The following STAT1 variants were observed in gnomAD, a reference collection of about 807,000 sequenced individuals.
STAT1 encodes the protein signal transducer and activator of transcription 1-alpha/beta.
STAT1 carries 24 observed loss-of-function variants against 111.7 expected under a neutral mutation model. The ratio of observed to expected loss-of-function variants is 0.21; its 90% confidence interval spans 0.16 to 0.30. STAT1 has a LOEUF of 0.30. STAT1 is among the 10% of genes least tolerant of loss of function. The pLI, the probability that STAT1 is intolerant of heterozygous loss-of-function variation, is 1.00. For missense variants in STAT1, 351 were observed against 911.9 expected, an observed-to-expected ratio of 0.38 and a Z score of 7.92; for synonymous variants, 332 against 326.5, an observed-to-expected ratio of 1.02 and a Z score of -0.18.
Position 191,013,577 on chromosome 2 carries a change from A to G in STAT1, c.-54T>C. 2.5e-6 allele frequency: 1 copy of G among 398,620 alleles called. No individual in the cohort carries two copies. The highest frequency in any genetic ancestry group is 4.4e-6 in the Non-Finnish European group (1 of 226,058). 24.7% of individuals were successfully genotyped at this position (398,620 alleles called of 1,614,324 possible). Reference sequence around the variant, plus strand: ...TGGGGATTCAACCAAAGGAGCAGCTACGCACAGCACGTTAGGTGCCAAGAC... The same window carrying G: ...TGGGGATTCAACCAAAGGAGCAGCTGCGCACAGCACGTTAGGTGCCAAGAC... On this transcript the variant is annotated 5_prime_UTR_variant, in exon 2 of 25. Coordinates refer to ENST00000361099, the MANE Select transcript of STAT1 (RefSeq NM_007315.4).
Position 191,007,381 on chromosome 2 carries a change from T to C in STAT1, c.372+182A>G, listed in dbSNP as rs1012669064. ...CTCTCCTCGTTAGAACTTAATTCCA[T>C]TAGATTAGGATCTTTCTTAAAGCCT... On this transcript the variant is annotated intron_variant, in intron 5 of 24. Coordinates refer to ENST00000361099, the MANE Select transcript of STAT1 (RefSeq NM_007315.4). The surrounding 1 kb of genome is among the most constrained non-coding windows in gnomAD (Gnocchi z 4.2). 2.6e-5 allele frequency among the ~76,000 whole-genome samples: 4 copies of C among 152,236 alleles called. No homozygotes were observed. Among genetic ancestry groups the C allele is most frequent in the Non-Finnish European group, 5.9e-5 (4 of 68,042 alleles).
At position 190,989,812 on chromosome 2, in the gene STAT1, T is replaced by C; in HGVS notation, c.1038-138A>G. On this transcript the variant is annotated intron_variant, in intron 11 of 24. Coordinates refer to ENST00000361099, the MANE Select transcript of STAT1 (RefSeq NM_007315.4). The surrounding 1 kb of genome is among the most constrained non-coding windows in gnomAD (Gnocchi z 5.0). Reference sequence around the variant, plus strand: ...TATTACCAACAAAAAAACTGACAGTTTTGTAGATCTACTTAAATTTTTGTA... The same window carrying C: ...TATTACCAACAAAAAAACTGACAGTCTTGTAGATCTACTTAAATTTTTGTA... 1 of 639,822 alleles carries C rather than the reference T, an allele frequency of 1.6e-6. No individual in the cohort carries two copies. The highest frequency in any genetic ancestry group is 2.8e-6 in the Non-Finnish European group (1 of 360,562). 39.6% of individuals were successfully genotyped at this position (639,822 alleles called of 1,614,324 possible). A position where few individuals can be genotyped will look rare whatever the true frequency, so the allele number is the denominator to read the frequency against.
At chr2:191,010,456 C>A (rs917796890) in intron 2 of STAT1, 5 of 452,042 alleles carry the variant, frequency 1.1e-5, no homozygotes, top group Non-Finnish European at 2.3e-5. Context: ...ATCCCTAGAA[C>A]AATGTCAACC....
At position 190,971,837 on chromosome 2, in the gene STAT1, C is replaced by T. The variant is rs922858723; in HGVS notation, c.2239-1120G>A. On this transcript the variant is annotated intron_variant, in intron 24 of 24. Transcript: ENST00000361099. This position sits in a 1 kb window ranked among gnomAD's most constrained non-coding sequence, Gnocchi z 4.1. ...AAGCGATCCTCCTGCCTCAGCCCCC[C>T]TAGTAGCTGGGATTACAGGCACACA... is the stretch of plus-strand genomic sequence containing the variant. Among the ~76,000 whole-genome samples the T allele has an allele frequency of 5.9e-5, 9 of 152,016 alleles. No homozygotes were observed. Among genetic ancestry groups the T allele is most frequent in the South Asian group, 2.1e-4 (1 of 4,830 alleles).
At position 191,010,243 on chromosome 2, in the gene STAT1, A is replaced by G. The variant is rs545067667; in HGVS notation, c.-1-239T>C. On this transcript the variant is annotated intron_variant, in intron 2 of 24. Transcript: ENST00000361099. The stretch of plus-strand genomic sequence containing the variant: ...CTTCATGTCTTTGCTTATTGTCAAC[A>G]TATCAGGGCAGCCTTCTCTGGCCTC... The G allele has an allele frequency of 3.6e-5, 18 of 505,402 alleles. No individual in the cohort carries two copies. The Admixed American group carries it at 4.3e-4, about 12-fold the overall frequency. 31.3% of individuals were successfully genotyped at this position (505,402 alleles called of 1,614,324 possible).
intron 2 of STAT1, among the ~76,000 whole-genome samples, 195 bp downstream of exon 2, chr2:191,013,330 C>T (rs1019384356): frequency 1.3e-5 from 2 of 152,188 alleles, no homozygotes; most frequent in African/African-American, 4.8e-5. Flanking sequence ...CTCTGCATAC[C>T]TACCACAGAA....
rs1694666247 is a variant in STAT1 at position 191,006,086 on chromosome 2, G to A, written c.372+1477C>T. Among the ~76,000 whole-genome samples the A allele has an allele frequency of 6.6e-6, 1 of 152,258 alleles. No homozygotes were observed. Among genetic ancestry groups the A allele is most frequent in the Non-Finnish European group, 1.5e-5 (1 of 68,046 alleles). Reference sequence around the variant, plus strand: ...GGGCCAAGGGGCCAAATGTGAGGATGACATGCTTGCAGCTGGGGGAAACAG... The same window carrying A: ...GGGCCAAGGGGCCAAATGTGAGGATAACATGCTTGCAGCTGGGGGAAACAG... On this transcript the variant is annotated intron_variant, in intron 5 of 24. Coordinates refer to ENST00000361099, the MANE Select transcript of STAT1 (RefSeq NM_007315.4). This position sits in a 1 kb window ranked among gnomAD's most constrained non-coding sequence, Gnocchi z 4.6.
At position 190,970,244 on chromosome 2, in the gene STAT1, C is replaced by T. The variant is rs1691351529; in HGVS notation, c.*459G>A. On this transcript the variant is annotated 3_prime_UTR_variant, in exon 25 of 25. Coordinates refer to ENST00000361099, the MANE Select transcript of STAT1 (RefSeq NM_007315.4). The surrounding 1 kb of genome is among the most constrained non-coding windows in gnomAD (Gnocchi z 5.4). Reference sequence around the variant, plus strand: ...AACCAATGGAAAACTGCCAGTTACACTTAAAGCAAAGAAAACATGTAAGAA... The same window carrying T: ...AACCAATGGAAAACTGCCAGTTACATTTAAAGCAAAGAAAACATGTAAGAA... The T allele has an allele frequency of 4.4e-6, 1 of 227,548 alleles. No individual in the cohort carries two copies. The highest frequency in any genetic ancestry group is 8.9e-6 in the Non-Finnish European group (1 of 112,750). The allele number at this position is 227,548 out of a possible 1,614,324, so 14.1% of individuals were successfully genotyped here.
Position 190,989,716 on chromosome 2 carries a change from T to C in STAT1, c.1038-42A>G, listed in dbSNP as rs376841146. The C allele has an allele frequency of 6.6e-5, 94 of 1,416,160 alleles. No homozygotes were observed. Among genetic ancestry groups the C allele is most frequent in the Non-Finnish European group, 8.4e-5 (85 of 1,014,714 alleles). The allele number at this position is 1,416,160 out of a possible 1,614,324, so 87.7% of individuals were successfully genotyped here. A position where few individuals can be genotyped will look rare whatever the true frequency, so the allele number is the denominator to read the frequency against. On this transcript the variant is annotated intron_variant, in intron 11 of 24. Coordinates refer to ENST00000361099, the MANE Select transcript of STAT1 (RefSeq NM_007315.4). This position sits in a 1 kb window ranked among gnomAD's most constrained non-coding sequence, Gnocchi z 5.0. ...AAGCCATTACTTAAAAAAAATTATC[T>C]GTTACAATTTATTTATTATGCCAAT...
Position 191,012,448 on chromosome 2 carries a change from T to C in STAT1, c.-2+1077A>G, listed in dbSNP as rs1695214566. On this transcript the variant is annotated intron_variant, in intron 2 of 24. Coordinates refer to ENST00000361099, the MANE Select transcript of STAT1 (RefSeq NM_007315.4). This position sits in a 1 kb window ranked among gnomAD's most constrained non-coding sequence, Gnocchi z 4.0. ...AAAAAACAATGAATAAATAAGCTCATGTTCACAAATCTGGAGTCAGTCTCA... is the reference window on the plus strand; with the variant it reads ...AAAAAACAATGAATAAATAAGCTCACGTTCACAAATCTGGAGTCAGTCTCA... Among the ~76,000 whole-genome samples, 1 of 151,550 alleles carries C rather than the reference T, an allele frequency of 6.6e-6. No individual in the cohort carries two copies. Among genetic ancestry groups the C allele is most frequent in the African/African-American group, 2.4e-5 (1 of 41,224 alleles).
chr2:190,982,916 T>C lies in STAT1; in HGVS notation c.1447-398A>G, dbSNP rs1278063283. ...CCTTTTTGAAGCCTATTTAGCGCCA[T>C]GTTTTTTGCATTTTGTGACTGCTGT... is the stretch of plus-strand genomic sequence containing the variant. On this transcript the variant is annotated intron_variant, in intron 17 of 24. Transcript: ENST00000361099. This position sits in a 1 kb window ranked among gnomAD's most constrained non-coding sequence, Gnocchi z 7.3. Among the ~76,000 whole-genome samples, 3 of 152,188 alleles carry C rather than the reference T, an allele frequency of 2.0e-5. No homozygotes were observed. Among genetic ancestry groups the C allele is most frequent in the Admixed American group, 1.3e-4 (2 of 15,284 alleles).
Position 190,973,236 on chromosome 2 carries a change from G to A in STAT1, c.2238+1594C>T, listed in dbSNP as rs1301677249. Among the ~76,000 whole-genome samples, 1 of 152,182 alleles carries A rather than the reference G, an allele frequency of 6.6e-6. No individual in the cohort carries two copies. Among genetic ancestry groups the A allele is most frequent in the African/African-American group, 2.4e-5 (1 of 41,432 alleles). On this transcript the variant is annotated intron_variant, in intron 24 of 24. Transcript: ENST00000361099. This position sits in a 1 kb window ranked among gnomAD's most constrained non-coding sequence, Gnocchi z 4.4. ...TGGGGCAAAGATTAGCTTTTTGTGG[G>A]AGGCTTTCCAGGATACCGGACAAAA...
At position 191,001,095 on chromosome 2, in the gene STAT1, T is replaced by C. The variant is rs1032439358; in HGVS notation, c.441A>G (p.Arg147=). 6.2e-7 allele frequency: 1 copy of C among 1,613,722 alleles called. No individual in the cohort carries two copies. The highest frequency in any genetic ancestry group is 1.3e-5 in the African/African-American group (1 of 74,930). The part of the protein sequence containing the change: ...DKQKELDSKV[R]NVKDKVMCIE... Reference sequence around the variant, plus strand: ...TCACCATAACCTTGTCCTTCACATTTCTGACTTTACTGTCAAGCTCTTTCT... The same window carrying C: ...TCACCATAACCTTGTCCTTCACATTCCTGACTTTACTGTCAAGCTCTTTCT... Residue 147 remains arginine, a synonymous_variant, in exon 6 of 25, where the codon AGA becomes AGG. Coordinates refer to ENST00000361099, the MANE Select transcript of STAT1 (RefSeq NM_007315.4).
chr2:190,971,939 C>T lies in STAT1; in HGVS notation c.2239-1222G>A, dbSNP rs1324916941. Among the ~76,000 whole-genome samples, 1 of 152,148 alleles carries T rather than the reference C, an allele frequency of 6.6e-6. No individual in the cohort carries two copies. The highest frequency in any genetic ancestry group is 1.5e-5 in the Non-Finnish European group (1 of 68,028). ...TGTTGGCCAGGCTGGTCTCAAACTC[C>T]TGATCGCAGGTGATCCACCTGCCCC... On this transcript the variant is annotated intron_variant, in intron 24 of 24. Transcript: ENST00000361099. The surrounding 1 kb of genome is among the most constrained non-coding windows in gnomAD (Gnocchi z 4.1).
In STAT1 at chr2:190,977,103, G is replaced by T; in HGVS notation, c.1874-78C>A. 1 of 1,435,548 alleles carries T rather than the reference G, an allele frequency of 7.0e-7. No homozygotes were observed. 88.9% of individuals were successfully genotyped at this position (1,435,548 alleles called of 1,614,324 possible). On this transcript the variant is annotated intron_variant, in intron 21 of 24. Transcript: ENST00000361099. The surrounding 1 kb of genome is among the most constrained non-coding windows in gnomAD (Gnocchi z 4.7). ...GGACAGAGAAATAAAACACTGCAGA[G>T]TTGATGGATTTGAGTGAACCTCATA...
In STAT1 at chr2:190,996,262, C is replaced by T. The variant is rs939433710; in HGVS notation, c.786-1043G>A. On this transcript the variant is annotated intron_variant, in intron 9 of 24. Coordinates refer to ENST00000361099, the MANE Select transcript of STAT1 (RefSeq NM_007315.4). The surrounding 1 kb of genome is among the most constrained non-coding windows in gnomAD (Gnocchi z 4.5). ...GGCTGGGGAAACGCTGTTTTATTCACTTGCAGTAATGACAGAAGAAAACCT... is the reference window on the plus strand; with the variant it reads ...GGCTGGGGAAACGCTGTTTTATTCATTTGCAGTAATGACAGAAGAAAACCT... 2.0e-5 allele frequency among the ~76,000 whole-genome samples: 3 copies of T among 152,106 alleles called. No homozygotes were observed. The highest frequency in any genetic ancestry group is 6.5e-5 in the Admixed American group (1 of 15,288).
Position 190,982,246 on chromosome 2 carries a change from T to C in STAT1, c.1582+137A>G. ...ACATATGATTCTCACTTAGCTATAA[T>C]AAACTATAGCTTGAAAAGCTGACAG... is the stretch of plus-strand genomic sequence containing the variant. On this transcript the variant is annotated intron_variant, in intron 18 of 24. Coordinates refer to ENST00000361099, the MANE Select transcript of STAT1 (RefSeq NM_007315.4). The surrounding 1 kb of genome is among the most constrained non-coding windows in gnomAD (Gnocchi z 7.3). The C allele has an allele frequency of 1.0e-6, 1 of 1,002,492 alleles. No homozygotes were observed. The allele number at this position is 1,002,492 out of a possible 1,614,324, so 62.1% of individuals were successfully genotyped here.
chr2:190,973,377 C>T lies in STAT1; in HGVS notation c.2238+1453G>A, dbSNP rs1433441891. Among the ~76,000 whole-genome samples the T allele has an allele frequency of 1.3e-5, 2 of 152,108 alleles. No individual in the cohort carries two copies. The highest frequency in any genetic ancestry group is 4.8e-5 in the African/African-American group (2 of 41,410). ...GTGTGGGGAGGAGGGGCTCTGTTCC[C>T]ACATCTGTCAAAGTAGGAATAACAA... On this transcript the variant is annotated intron_variant, in intron 24 of 24. Transcript: ENST00000361099. This position sits in a 1 kb window ranked among gnomAD's most constrained non-coding sequence, Gnocchi z 4.4.
chr2:190,999,786 A>T lies in STAT1; in HGVS notation c.463-82T>A. On this transcript the variant is annotated intron_variant, in intron 6 of 24. Coordinates refer to ENST00000361099, the MANE Select transcript of STAT1 (RefSeq NM_007315.4). This position sits in a 1 kb window ranked among gnomAD's most constrained non-coding sequence, Gnocchi z 4.1. ...GGCAACAGAGTATTGCTTCTATGGA[A>T]CCCAGAGAAACACGAAAACAATTCC... 2 of 941,240 alleles carry T rather than the reference A, an allele frequency of 2.1e-6. No individual in the cohort carries two copies. Among genetic ancestry groups the T allele is most frequent in the Non-Finnish European group, 3.4e-6 (2 of 585,668 alleles). The allele number at this position is 941,240 out of a possible 1,614,324, so 58.3% of individuals were successfully genotyped here.
Sources: allele counts gnomAD v4.1 joint callset (sites outside exome capture counted in the v4.1 genomes callset), GRCh38; gene constraint gnomAD v4.1.1; non-coding constraint Gnocchi (gnomAD v3.1); transcripts MANE v1.5; gene names NCBI Gene and HGNC (gene_info 2026-07-23, HGNC 2026-07-21).